ATG2A: variants seen among roughly 807,000 people sequenced by gnomAD.
ATG2A encodes the protein autophagy-related protein 2 homolog A.
A neutral mutation model predicts 214.2 loss-of-function variants in ATG2A; 103 were observed. The observed-to-expected ratio is 0.48, with a 90% CI of 0.41 to 0.57. The LOEUF (loss-of-function observed/expected upper bound fraction) is 0.57. Ranked by LOEUF, ATG2A falls within the 20% of genes least tolerant of loss-of-function variation. The probability of loss-of-function intolerance (pLI) is 0.00; values close to 1 mark genes in which losing one functional copy is unlikely to be tolerated. For missense variants in ATG2A, 2,312 were observed against 2,613.2 expected (o/e 0.88, Z 2.51); for synonymous variants, 1,160 against 1,142.1 (o/e 1.02, Z -0.32).
chr11:64,905,313 A>G (rs769071114), intron 24 of ATG2A, among the ~76,000 whole-genome samples: 8 of 152,154 alleles, frequency 5.3e-5, no homozygotes, highest in Non-Finnish European at 1.0e-4. Context: ...ATTAAATCCC[A>G]CCTCTCTTAT....
intron 24 of ATG2A, 71 bp downstream of exon 24, chr11:64,905,492 A>T (rs1336430794): frequency 2.8e-6 from 4 of 1,428,664 alleles, no homozygotes; most frequent in African/African-American, 1.4e-5. Context: ...AGAGCACCAG[A>T]GGACACACAG....
At chr11:64,916,935 A>C (rs1590667898) in intron 1 of ATG2A, 30 bp downstream of exon 1, 2 of 1,610,354 alleles carry the variant, frequency 1.2e-6, no homozygotes, top group South Asian at 2.2e-5. Flanking sequence ...CACCCTCCGC[A>C]CCTTCCTGGA....
At position 64,909,254 on chromosome 11, in the gene ATG2A, C is replaced by T. The variant is rs1400026165; in HGVS notation, c.2204+17G>A. On this transcript the variant is annotated intron_variant, in intron 15 of 40. Coordinates refer to ENST00000377264, the MANE Select transcript of ATG2A (RefSeq NM_015104.3). ...AGAACCCTCCTCTCCTGGGCCCAGT[C>T]CAGAGCCCCTACTTACTGGGGCAGG... is the stretch of plus-strand genomic sequence containing the variant. 1 of 1,613,176 alleles carries T rather than the reference C, an allele frequency of 6.2e-7. No homozygotes were observed. The highest frequency in any genetic ancestry group is 8.5e-7 in the Non-Finnish European group (1 of 1,179,728).
Position 64,895,407 on chromosome 11 carries a change from CG to C in ATG2A, c.5462del (p.Pro1821ArgfsTer62). ...GCAGGGAGCGGGAGACGGGGGCTGC[CG>C]GGGACAGGATGTCATACACGGTCTC... is the stretch of plus-strand genomic sequence containing the variant. ...TAETVYDILS[P>X]AAPVSRSLQD... On this transcript the variant is annotated frameshift_variant, in exon 40 of 41. Transcript: ENST00000377264. LOFTEE classifies it high-confidence loss of function. This position sits in a 1 kb window ranked among gnomAD's most constrained non-coding sequence, Gnocchi z 5.0. 1 of 1,606,226 alleles carries C rather than the reference CG, an allele frequency of 6.2e-7. No homozygotes were observed. Among genetic ancestry groups the C allele is most frequent in the Non-Finnish European group, 8.5e-7 (1 of 1,175,864 alleles).
rs1469786372 is a variant in ATG2A, at chr11:64,912,227, C to G, written c.945G>C (p.Lys315Asn). Residue 315 changes from lysine (K) to asparagine (N), a missense_variant, in exon 8 of 41, where the codon AAG becomes AAC. By Grantham distance (94) the Lys-to-Asn change is moderately conservative. Transcript: ENST00000377264. ...CACCTAGCGGGCGGCTCTTGTTCAG[C>G]TTGTCAGCCAGGCCCTCGTGGTCTG... ...SLTDHEGLAD[K>N]LNKSRPLGAE... 1 of 1,613,296 alleles carries G rather than the reference C, an allele frequency of 6.2e-7. No individual in the cohort carries two copies. Among genetic ancestry groups the G allele is most frequent in the Non-Finnish European group, 8.5e-7 (1 of 1,179,738 alleles).
Position 64,903,252 on chromosome 11 carries a change from T to G in ATG2A, c.3612+36A>C, listed in dbSNP as rs753340305. The stretch of plus-strand genomic sequence containing the variant: ...AGACTCCCTTGGCCCCTGCACCTGC[T>G]GTGGCTCCAGGAGCCAGAGTGACAG... On this transcript the variant is annotated intron_variant, in intron 26 of 40. Coordinates refer to ENST00000377264, the MANE Select transcript of ATG2A (RefSeq NM_015104.3). The surrounding 1 kb of genome is among the most constrained non-coding windows in gnomAD (Gnocchi z 4.2). 6 of 1,600,816 alleles carry G rather than the reference T, an allele frequency of 3.7e-6. No homozygotes were observed. Among genetic ancestry groups the G allele is most frequent in the Non-Finnish European group, 5.1e-6 (6 of 1,168,878 alleles).
chr11:64,910,275 G>A, intron 12 of ATG2A, 80 bp from the exon 13 acceptor site: 5 of 1,500,946 alleles, frequency 3.3e-6, no homozygotes, highest in Non-Finnish European at 4.4e-6. Flanking sequence ...CTGGTAGTGG[G>A]AGAAGAGCTG....
rs775873490 is a variant in ATG2A, at chr11:64,917,151, G to C, written c.-16C>G. Reference sequence around the variant, plus strand: ...ATCGTGACATCTCGGAGACCGCCGGGCCTGGGCCGCCTCCGCTTGCCGCCC... The same window carrying C: ...ATCGTGACATCTCGGAGACCGCCGGCCCTGGGCCGCCTCCGCTTGCCGCCC... On this transcript the variant is annotated 5_prime_UTR_variant, in exon 1 of 41. Transcript: ENST00000377264. 1.3e-6 allele frequency: 2 copies of C among 1,582,202 alleles called. No homozygotes were observed. The highest frequency in any genetic ancestry group is 1.7e-6 in the Non-Finnish European group (2 of 1,163,412).
chr11:64,902,711 G>T, intron 26 of ATG2A, 31 bp from the exon 27 acceptor site: 1 of 1,594,954 alleles, frequency 6.3e-7, no homozygotes, highest in Non-Finnish European at 8.6e-7. Flanking sequence ...GAGCAGCTAT[G>T]TGAACACAGG....
chr11:64,909,119 T>C lies in ATG2A; in HGVS notation c.2236A>G (p.Ser746Gly). 1 of 1,612,294 alleles carries C rather than the reference T, an allele frequency of 6.2e-7. No individual in the cohort carries two copies. Among genetic ancestry groups the C allele is most frequent in the East Asian group, 2.2e-5 (1 of 44,876 alleles). ...TCCGGGGCCACCTCCCACTGTGTGC[T>C]GCTGGACTGGGGGTTCACAGTCACC... Reference protein sequence around the residue: ...VVVTVNPQSSSTQWEVAPEKG... With the variant: ...VVVTVNPQSSGTQWEVAPEKG... The change falls in exon 16 of 41, where the codon AGC becomes GGC. Residue 746 changes from serine to glycine, a missense_variant. By Grantham distance (56) the Ser-to-Gly change is moderately conservative. Coordinates refer to ENST00000377264, the MANE Select transcript of ATG2A (RefSeq NM_015104.3).
rs1259931936 is a variant in ATG2A at position 64,902,271 on chromosome 11, G to A, written c.3893C>T (p.Ala1298Val). Reference protein sequence around the residue: ...LDTERSLRELAQPSGGHLPQA... With the variant: ...LDTERSLRELVQPSGGHLPQA... Reference sequence around the variant, plus strand: ...CACCCCCACTTCACCTGAAGGCTGGGCCAGCTCCCGTAGGCTGCGCTCGGT... The same window carrying A: ...CACCCCCACTTCACCTGAAGGCTGGACCAGCTCCCGTAGGCTGCGCTCGGT... Residue 1298 changes from alanine (A) to valine (V), a missense_variant, in exon 28 of 41, where the codon GCC becomes GTC. Coordinates refer to ENST00000377264, the MANE Select transcript of ATG2A (RefSeq NM_015104.3). The A allele has an allele frequency of 6.2e-7, 1 of 1,613,108 alleles. No homozygotes were observed.
In ATG2A at chr11:64,907,909, A is replaced by G. The variant is rs553320158; in HGVS notation, c.2365-19T>C. 4 of 1,608,620 alleles carry G rather than the reference A, an allele frequency of 2.5e-6. No individual in the cohort carries two copies. Among genetic ancestry groups the G allele is most frequent in the Non-Finnish European group, 3.4e-6 (4 of 1,178,132 alleles). ...TCACCATCTGGACAGGGTGAGGTGG[A>G]AAGAGCAGGAGAGTCATCTTAGAGA... On this transcript the variant is annotated intron_variant, in intron 16 of 40. Transcript: ENST00000377264.
rs1944225118 is a variant in ATG2A at position 64,898,234 on chromosome 11, G to A, written c.4773+27C>T. On this transcript the variant is annotated intron_variant, in intron 33 of 40. Transcript: ENST00000377264. The surrounding 1 kb of genome is among the most constrained non-coding windows in gnomAD (Gnocchi z 4.5). ...GCCTGGAGACAGTGGGGTCACCCTA[G>A]GCTCTGCCCTCACGTAGACCACTCA... 1 of 1,613,574 alleles carries A rather than the reference G, an allele frequency of 6.2e-7. No individual in the cohort carries two copies. Among genetic ancestry groups the A allele is most frequent in the Non-Finnish European group, 8.5e-7 (1 of 1,179,738 alleles).
chr11:64,905,623 G>A lies in ATG2A; in HGVS notation c.3404C>T (p.Thr1135Ile). 1 of 1,613,814 alleles carries A rather than the reference G, an allele frequency of 6.2e-7. No individual in the cohort carries two copies. The change falls in exon 24 of 41, where the codon ACC (threonine) becomes ATC (isoleucine). Residue 1135 changes from threonine to isoleucine, a missense_variant. Transcript: ENST00000377264. Reference sequence around the variant, plus strand: ...GCTGGAGAGAGTGAAGGTCTCCGCGGTGATGAGGACACGCACTGGGAGGTA... The same window carrying A: ...GCTGGAGAGAGTGAAGGTCTCCGCGATGATGAGGACACGCACTGGGAGGTA... The part of the protein sequence containing the change: ...PLYLPVRVLI[T>I]AETFTLSSNI...
At position 64,895,276 on chromosome 11, in the gene ATG2A, G is replaced by A. The variant is rs769131121; in HGVS notation, c.5580+14C>T. On this transcript the variant is annotated intron_variant, in intron 40 of 40. Transcript: ENST00000377264. This position sits in a 1 kb window ranked among gnomAD's most constrained non-coding sequence, Gnocchi z 5.0. ...TGGGCATGGGGGACTGGGGCAGGGC[G>A]GGGGCCTGGTCACCTCTCGCACTGT... The A allele has an allele frequency of 1.2e-5, 20 of 1,613,120 alleles. No individual in the cohort carries two copies. In the South Asian group the frequency reaches 1.4e-4, roughly 12 times the overall value.
At chr11:64,908,896 C>T in intron 16 of ATG2A, 95 bp downstream of exon 16, 4 of 1,443,468 alleles carry the variant, frequency 2.8e-6, no homozygotes, top group Non-Finnish European at 2.8e-6. Flanking sequence ...GGTGGTCGTG[C>T]TGCCCTGGCC....
At chr11:64,910,233 G>A in intron 12 of ATG2A, 38 bp from the exon 13 acceptor site, 1 of 1,540,472 alleles carries the variant, frequency 6.5e-7, no homozygotes, top group East Asian at 2.3e-5. Context: ...AGGGCTGAGT[G>A]GTACTCAGCG....
chr11:64,912,560 A>G, intron 6 of ATG2A, 137 bp from the exon 7 acceptor site: 1 of 685,744 alleles, frequency 1.5e-6, no homozygotes, highest in South Asian at 2.0e-5. Flanking sequence ...AGCTCTATGA[A>G]CCAGGCCACA....
rs1944872107 is a variant in ATG2A at position 64,913,793 on chromosome 11, A to C, written c.590+28T>G. On this transcript the variant is annotated intron_variant, in intron 4 of 40. Coordinates refer to ENST00000377264, the MANE Select transcript of ATG2A (RefSeq NM_015104.3). This position sits in a 1 kb window ranked among gnomAD's most constrained non-coding sequence, Gnocchi z 4.3. ...AGCCCCCACTCCCCATCTTCACACCAGTCCACCCCAGATCGGCCTGCCCTT... is the reference window on the plus strand; with the variant it reads ...AGCCCCCACTCCCCATCTTCACACCCGTCCACCCCAGATCGGCCTGCCCTT... 6.2e-7 allele frequency: 1 copy of C among 1,603,546 alleles called. No individual in the cohort carries two copies. The highest frequency in any genetic ancestry group is 1.3e-5 in the African/African-American group (1 of 74,548).
Sources: allele counts gnomAD v4.1 joint callset (sites outside exome capture counted in the v4.1 genomes callset), GRCh38; gene constraint gnomAD v4.1.1; non-coding constraint Gnocchi (gnomAD v3.1); transcripts MANE v1.5; gene names NCBI Gene and HGNC (gene_info 2026-07-23, HGNC 2026-07-21).